RTN1: variants seen among roughly 807,000 people sequenced by gnomAD.
The protein encoded by RTN1 is reticulon-1.
RTN1 carries 25 observed loss-of-function variants against 65.5 expected under a neutral mutation model. That is an observed-to-expected ratio of 0.38 (90% CI 0.28 to 0.53). RTN1 has a LOEUF of 0.53. RTN1 is among the 20% of genes least tolerant of loss of function. RTN1 has a pLI of 0.79. For synonymous variants in RTN1, 471 were observed against 447.6 expected (o/e 1.05, Z -0.66); for missense variants, 983 against 1,025.4 (o/e 0.96, Z 0.57).
chr14:59,712,518 G>A (rs376975618), intron 3 of RTN1, among the ~76,000 whole-genome samples: 1 of 152,176 alleles, frequency 6.6e-6, no homozygotes, highest in East Asian at 1.9e-4. Flanking sequence ...TTCAACTTCC[G>A]ATAAATTGTT....
chr14:59,778,745 C>T (rs1202123345), intron 1 of RTN1, among the ~76,000 whole-genome samples: 1 of 152,024 alleles, frequency 6.6e-6, no homozygotes, highest in Non-Finnish European at 1.5e-5. Context: ...CCAAATAGAC[C>T]AGTAATAAGG....
At chr14:59,650,962 TGA>T (rs1200292369) in intron 3 of RTN1, among the ~76,000 whole-genome samples, 1 of 151,512 alleles carries the variant, frequency 6.6e-6, no homozygotes, top group African/African-American at 2.4e-5. Context: ...CCCGAGGTCA[TGA>T]GTTTGAGACC....
At chr14:59,689,645 G>A (rs950430490) in intron 3 of RTN1, among the ~76,000 whole-genome samples, 1 of 152,198 alleles carries the variant, frequency 6.6e-6, no homozygotes, top group Non-Finnish European at 1.5e-5. Context: ...AAGATGGGGA[G>A]CCTATTTTTA....
At chr14:59,807,221 A>G (rs189029995) in intron 1 of RTN1, among the ~76,000 whole-genome samples, 2 of 152,316 alleles carry the variant, frequency 1.3e-5, no homozygotes, top group East Asian at 3.9e-4. Context: ...TGCAGAGTGA[A>G]GAGCTGAATT....
intron 1 of RTN1, among the ~76,000 whole-genome samples, chr14:59,861,520 T>G (rs1887709631): frequency 6.6e-6 from 1 of 152,222 alleles, no homozygotes; most frequent in Non-Finnish European, 1.5e-5. Flanking sequence ...GGCACTGTTG[T>G]CTTTTAGGAA....
At chr14:59,631,332 TG>T (rs897443452) in intron 3 of RTN1, among the ~76,000 whole-genome samples, 18 of 152,216 alleles carry the variant, frequency 1.2e-4, no homozygotes, top group African/African-American at 4.3e-4. Flanking sequence ...CCTTGGACTC[TG>T]GTACGTGGAG....
chr14:59,659,886 A>T (rs1883207402), intron 3 of RTN1, among the ~76,000 whole-genome samples: 1 of 152,180 alleles, frequency 6.6e-6, no homozygotes, highest in Non-Finnish European at 1.5e-5. Flanking sequence ...ATTCACATAT[A>T]ACAATATTAA....
intron 3 of RTN1, among the ~76,000 whole-genome samples, chr14:59,685,254 A>G (rs1883823478): frequency 6.6e-6 from 1 of 152,200 alleles, no homozygotes; most frequent in African/African-American, 2.4e-5. Flanking sequence ...TGAGACCTGG[A>G]ACAAGACAAA....
At chr14:59,626,948 T>C (rs1882415440) in intron 3 of RTN1, among the ~76,000 whole-genome samples, 2 of 152,202 alleles carry the variant, frequency 1.3e-5, no homozygotes, top group Non-Finnish European at 2.9e-5. Flanking sequence ...TTAGAATGTC[T>C]GTGAAAATAT....
intron 3 of RTN1, among the ~76,000 whole-genome samples, chr14:59,657,947 C>T (rs947048968): frequency 6.6e-6 from 1 of 152,204 alleles, no homozygotes; most frequent in Admixed American, 6.5e-5. Flanking sequence ...AGTGGCCTAG[C>T]TCAGCAGATC....
rs574352538 is a variant in RTN1, at chr14:59,825,708, C to G, written c.241+44682G>C. Among the ~76,000 whole-genome samples, 1 of 152,204 alleles carries G rather than the reference C, an allele frequency of 6.6e-6. No individual in the cohort carries two copies. Among genetic ancestry groups the G allele is most frequent in the South Asian group, 2.1e-4 (1 of 4,822 alleles). ...GTTACTGTGTGCTCTTAGAGTTACA[C>G]AGAATTTTACAGTCTACCTTCCTCA... is the stretch of plus-strand genomic sequence containing the variant. On this transcript the variant is annotated intron_variant, in intron 1 of 8. Coordinates refer to ENST00000267484, the MANE Select transcript of RTN1 (RefSeq NM_021136.3). The surrounding 1 kb of genome is among the most constrained non-coding windows in gnomAD (Gnocchi z 4.2).
At chr14:59,792,359 T>TCACACACACACACA (rs34220909) in intron 1 of RTN1, among the ~76,000 whole-genome samples, 84 of 144,892 alleles carry the variant, frequency 5.8e-4, no homozygotes, top group African/African-American at 2.1e-3. Context: ...AGAAAAGACT[T>TCACACACACACACA]CACACACACA....
chr14:59,675,433 C>A (rs866598255), intron 3 of RTN1, among the ~76,000 whole-genome samples: 1 of 83,530 alleles, frequency 1.2e-5, no homozygotes, highest in African/African-American at 4.2e-5. Flanking sequence ...TTATTTGAGA[C>A]CTATAGGACT....
At chr14:59,626,634 A>G (rs898622051) in intron 3 of RTN1, among the ~76,000 whole-genome samples, 6 of 152,240 alleles carry the variant, frequency 3.9e-5, no homozygotes, top group African/African-American at 1.4e-4. Flanking sequence ...TTAAAAGAAT[A>G]GGCTTCATGA....
intron 3 of RTN1, among the ~76,000 whole-genome samples, chr14:59,702,966 C>T (rs1001997401): frequency 4.6e-5 from 7 of 152,164 alleles, no homozygotes; most frequent in African/African-American, 1.7e-4. Flanking sequence ...GCCTTTACTG[C>T]AGTTGTTTCT....
At chr14:59,669,573 T>C (rs2140213587) in intron 3 of RTN1, among the ~76,000 whole-genome samples, 1 of 152,220 alleles carries the variant, frequency 6.6e-6, no homozygotes, top group African/African-American at 2.4e-5. Flanking sequence ...ACCTGCATGT[T>C]GTGCATATGT....
At chr14:59,738,987 C>T (rs1885060108) in intron 2 of RTN1, among the ~76,000 whole-genome samples, 1 of 152,012 alleles carries the variant, frequency 6.6e-6, no homozygotes, top group Non-Finnish European at 1.5e-5. Flanking sequence ...GCAACACACA[C>T]TGGGGCCTGT....
chr14:59,717,952 C>G (rs1884571813), intron 3 of RTN1, among the ~76,000 whole-genome samples: 1 of 152,218 alleles, frequency 6.6e-6, no homozygotes, highest in East Asian at 1.9e-4. Context: ...GAAGCAGATG[C>G]ATTAGCCCCT....
chr14:59,837,508 CAA>C (rs1195342846), intron 1 of RTN1, among the ~76,000 whole-genome samples: 1 of 151,762 alleles, frequency 6.6e-6, no homozygotes, highest in Non-Finnish European at 1.5e-5. Context: ...CATCAAATAA[CAA>C]ACTGATAAAT....
Sources: gnomAD v4.1 joint callset for allele counts (sites outside exome capture counted in the v4.1 genomes callset) on GRCh38, gnomAD v4.1.1 for gene constraint, Gnocchi (gnomAD v3.1) non-coding constraint, MANE v1.5 for transcripts, NCBI Gene and HGNC (gene_info 2026-07-23, HGNC 2026-07-21) for gene names.